Variants in MUC22 observed in about 807,000 individuals in gnomAD.
The protein encoded by MUC22 is mucin 22.
Under a neutral mutation model 40.3 loss-of-function variants are expected in MUC22, and 24 were observed. That is an observed-to-expected ratio of 0.60 (90% CI 0.43 to 0.84). The LOEUF (loss-of-function observed/expected upper bound fraction) is 0.84. MUC22 is among the 40% of genes least tolerant of loss of function. The probability of loss-of-function intolerance (pLI) is 0.00; values close to 1 mark genes in which losing one functional copy is unlikely to be tolerated. For missense variants in MUC22, 1,926 were observed against 2,130.7 expected (o/e 0.90, Z 1.89); for synonymous variants, 765 against 844.5 (o/e 0.91, Z 1.63).
intron 1 of MUC22, among the ~76,000 whole-genome samples, chr6:31,024,317 A>G (rs891175464): frequency 2.6e-5 from 4 of 152,196 alleles, no homozygotes; most frequent in Non-Finnish European, 5.9e-5. Flanking sequence ...GCAGCAATAT[A>G]TTCATGTGAA....
In MUC22 at chr6:31,032,423, G is replaced by T; in HGVS notation, c.4897G>T (p.Gly1633Cys). 6.5e-7 allele frequency: 1 copy of T among 1,535,730 alleles called. No individual in the cohort carries two copies. Among genetic ancestry groups the T allele is most frequent in the Non-Finnish European group, 8.7e-7 (1 of 1,146,924 alleles). The change falls in exon 3 of 4, where the codon GGC becomes TGC. Residue 1633 changes from glycine (G) to cysteine (C), a missense_variant. Around this residue, in one of 3 missense-constraint regions of MUC22, gnomAD observed 610 missense variants for 714.6 expected, o/e 0.85. Transcript: ENST00000561890. The surrounding 1 kb of genome is among the most constrained non-coding windows in gnomAD (Gnocchi z 4.1). ...AACCAGCAGCACCTTCCAGGAAACA[G>T]GCCCGGTGTCCATGGGCACAAACAC...
exon 2 of MUC22, chr6:31,029,737 ACCACAG>A: frequency 1.3e-6 from 2 of 1,530,746 alleles, no homozygotes; most frequent in South Asian, 2.4e-5. Flanking sequence ...CTCTGAGACC[ACCACAG>A]CCTCCACTGC....
At chr6:31,021,031 G>A (rs1764679422) in intron 1 of MUC22, among the ~76,000 whole-genome samples, 2 of 103,288 alleles carry the variant, frequency 1.9e-5, no homozygotes, top group Non-Finnish European at 2.2e-5. Context: ...TGTGCGGCCG[G>A]AGCCTCCCCG....
chr6:31,024,516 G>A (rs916923945), intron 1 of MUC22, among the ~76,000 whole-genome samples: 2 of 151,962 alleles, frequency 1.3e-5, no homozygotes, highest in African/African-American at 4.8e-5. Context: ...GGTCTTCATT[G>A]TATTTGAGAT....
At position 31,034,675 on chromosome 6, in the gene MUC22, A is replaced by C. The variant is rs3869098; in HGVS notation, c.5059A>C (p.Asn1687His). The change falls in exon 4 of 4, where the codon AAC (asparagine) becomes CAC (histidine). Residue 1687 changes from asparagine to histidine, a missense_variant. By Grantham distance (68) the Asn-to-His change is moderately conservative. Coordinates refer to ENST00000561890, the Ensembl canonical transcript of MUC22. ...TGTATTTATTTTTTTCTTTTAGAGA[A>C]ACCTTTTCTTCCCCCTGAGATATTG... The C allele has an allele frequency of 2.6e-6, 4 of 1,529,896 alleles. No individual in the cohort carries two copies. In the South Asian group the frequency reaches 3.6e-5, roughly 14 times the overall value. 94.8% of individuals were successfully genotyped at this position (1,529,896 alleles called of 1,614,324 possible).
chr6:31,017,335 G>T (rs1764297390), intron 1 of MUC22, among the ~76,000 whole-genome samples: 1 of 152,202 alleles, frequency 6.6e-6, no homozygotes, highest in Admixed American at 6.5e-5. Flanking sequence ...AGCACTCTGT[G>T]TCTAGCTCAA....
chr6:31,021,013 T>C (rs752466661), intron 1 of MUC22, among the ~76,000 whole-genome samples: 2 of 146,370 alleles, frequency 1.4e-5, no homozygotes, highest in Admixed American at 6.8e-5. Flanking sequence ...ACCCCCTCCA[T>C]GGGCTTCTGT....
chr6:31,029,260 A>T (rs1006829448), exon 2 of MUC22: 1 of 1,534,720 alleles, frequency 6.5e-7, no homozygotes, highest in Non-Finnish European at 8.7e-7. Flanking sequence ...TGAGACTACC[A>T]TCACCTCTAC....
chr6:31,034,092 C>T lies in MUC22; in HGVS notation c.5056-580C>T, dbSNP rs536692615. Among the ~76,000 whole-genome samples, 17 of 152,260 alleles carry T rather than the reference C, an allele frequency of 1.1e-4. No homozygotes were observed. The South Asian group carries it at 2.7e-3, about 24-fold the overall frequency. ...TGTTATTTAATCTGGCCTACAATCC[C>T]GTGGCCATATTATATTCATCTTACA... On this transcript the variant is annotated intron_variant, in intron 3 of 3. Transcript: ENST00000561890.
chr6:31,018,083 G>A (rs986595974), intron 1 of MUC22, among the ~76,000 whole-genome samples: 3 of 152,176 alleles, frequency 2.0e-5, no homozygotes, highest in Non-Finnish European at 4.4e-5. Context: ...TGACACTCAC[G>A]GCGAGAGTCC....
At chr6:31,030,698 A>C (rs1766000822) in intron 2 of MUC22, among the ~76,000 whole-genome samples, 1 of 151,956 alleles carries the variant, frequency 6.6e-6, no homozygotes, top group African/African-American at 2.4e-5. Flanking sequence ...CTGGCCCATC[A>C]CAGTTTTGTG....
intron 1 of MUC22, among the ~76,000 whole-genome samples, chr6:31,020,850 G>A (rs1412350023): frequency 6.6e-6 from 1 of 152,212 alleles, no homozygotes; most frequent in African/African-American, 2.4e-5. Context: ...GGGCAGTGAG[G>A]GGCTTAGCAC....
Position 31,026,245 on chromosome 6 carries a change from ACC to A in MUC22, c.815_816del (p.Thr272AsnfsTer4). 4.6e-6 allele frequency: 7 copies of A among 1,529,906 alleles called. 3 individuals carry two copies. The highest frequency in any genetic ancestry group is 8.7e-7 in the Non-Finnish European group (1 of 1,143,662). 94.8% of individuals were successfully genotyped at this position (1,529,906 alleles called of 1,614,324 possible). On this transcript the variant is annotated frameshift_variant, in exon 2 of 4. Coordinates refer to ENST00000561890, the Ensembl canonical transcript of MUC22. LOFTEE classifies it high-confidence loss of function. Reference sequence around the variant, plus strand: ...AGGCTCTAACACCACCACAGCCTCTACCACAGGCTCTGAGACCACTACAATCC... The same window carrying A: ...AGGCTCTAACACCACCACAGCCTCTAACAGGCTCTGAGACCACTACAATCC...
At chr6:31,029,383 G>T in exon 2 of MUC22, 2 of 1,535,006 alleles carry the variant, frequency 1.3e-6, no homozygotes, top group Non-Finnish European at 1.7e-6. Flanking sequence ...GACAACCACA[G>T]TCTCTACCAC....
exon 2 of MUC22, chr6:31,027,052 A>G: frequency 6.7e-7 from 1 of 1,497,004 alleles, no homozygotes; most frequent in Non-Finnish European, 8.9e-7. Context: ...AGCCTCTACT[A>G]CAGGCTCTGA....
chr6:31,024,135 A>G (rs1666304896), intron 1 of MUC22, among the ~76,000 whole-genome samples: 1 of 148,842 alleles, frequency 6.7e-6, no homozygotes, highest in South Asian at 2.1e-4. Flanking sequence ...GTAATCTTCA[A>G]AGGTTAAAAG....
intron 1 of MUC22, among the ~76,000 whole-genome samples, chr6:31,021,066 G>A (rs137936979): frequency 0.059 from 9,010 of 152,310 alleles, 467 homozygotes; most frequent in Middle Eastern, 0.071. Context: ...CTGCTCCAGG[G>A]CGCCCAGTCC....
intron 1 of MUC22, among the ~76,000 whole-genome samples, chr6:31,024,180 C>G (rs764242342): frequency 3.9e-5 from 6 of 152,124 alleles, no homozygotes; most frequent in Non-Finnish European, 8.8e-5. Flanking sequence ...AGAACTGCAC[C>G]AGACTGAAGA....
At chr6:31,028,835 C>A in exon 2 of MUC22, 2 of 1,533,006 alleles carry the variant, frequency 1.3e-6, no homozygotes, top group Non-Finnish European at 1.7e-6. Flanking sequence ...GGCTCTGAGA[C>A]CACCACAGCC....
Sources: allele counts gnomAD v4.1 joint callset (sites outside exome capture counted in the v4.1 genomes callset), GRCh38; gene constraint gnomAD v4.1.1; regional missense constraint gnomAD v4.1.1; non-coding constraint Gnocchi (gnomAD v3.1); transcripts MANE v1.5; gene names NCBI Gene and HGNC (gene_info 2026-07-23, HGNC 2026-07-21).